Variants in KIAA1217 observed in about 807,000 individuals in gnomAD.
The protein encoded by KIAA1217 is KIAA1217.
Under a neutral mutation model 163.9 loss-of-function variants are expected in KIAA1217, and 88 were observed. That is an observed-to-expected ratio of 0.54 (90% CI 0.45 to 0.64). KIAA1217 has a LOEUF of 0.64. Among genes scored for constraint, KIAA1217 ranks in the 30% least tolerant of loss-of-function variants. The pLI is 0.00. For synonymous variants in KIAA1217, 903 were observed against 923.1 expected, an observed-to-expected ratio of 0.98 and a Z score of 0.39; for missense variants, 2,372 against 2,475.0, an observed-to-expected ratio of 0.96 and a Z score of 0.88.
chr10:24,092,364 A>G (rs1171310993), intron 2 of KIAA1217, among the ~76,000 whole-genome samples: 1 of 151,894 alleles, frequency 6.6e-6, no homozygotes, highest in Non-Finnish European at 1.5e-5. Flanking sequence ...GATACTAAGG[A>G]CTATAAAGCT....
intron 2 of KIAA1217, among the ~76,000 whole-genome samples, chr10:24,018,072 T>G (rs1847568057): frequency 6.6e-6 from 1 of 152,106 alleles, no homozygotes; most frequent in Admixed American, 6.6e-5. Context: ...CCCAGCTTCT[T>G]TCTGCTTTAC....
At chr10:24,211,362 T>TA (rs200165457) in intron 1 of KIAA1217, among the ~76,000 whole-genome samples, 1 of 108,478 alleles carries the variant, frequency 9.2e-6, no homozygotes, top group Non-Finnish European at 1.8e-5. Flanking sequence ...GTGGGACTAC[T>TA]TTTTTTTTTT....
rs896206982 is a variant in KIAA1217 at position 24,138,826 on chromosome 10, C to T, written c.-170-80800C>T. ...AATGTTTTTTGTTTTGCTTTTTAAC[C>T]ATTTTACAGTTTTATATCAAAGACT... On this transcript the variant is annotated intron_variant, in intron 2 of 18. Coordinates refer to the KIAA1217 transcript ENST00000376462. Among the ~76,000 whole-genome samples, 12 of 152,224 alleles carry T rather than the reference C, an allele frequency of 7.9e-5. 1 individual carries two copies. Among genetic ancestry groups the T allele is most frequent in the Admixed American group, 2.0e-4 (3 of 15,292 alleles).
chr10:23,964,194 G>A (rs1844951358), intron 1 of KIAA1217, among the ~76,000 whole-genome samples: 2 of 151,866 alleles, frequency 1.3e-5, no homozygotes, highest in Non-Finnish European at 2.9e-5. Context: ...GAGCCACTGT[G>A]CCTGGCCGAT....
intron 3 of KIAA1217, among the ~76,000 whole-genome samples, chr10:24,396,688 A>G (rs925213584): frequency 4.6e-5 from 7 of 152,204 alleles, no homozygotes; most frequent in African/African-American, 1.7e-4. Context: ...CAGTCAATGC[A>G]AAAGCCCGAG....
At chr10:23,854,938 A>G (rs1186225703) in intron 1 of KIAA1217, among the ~76,000 whole-genome samples, 2 of 152,216 alleles carry the variant, frequency 1.3e-5, no homozygotes, top group Non-Finnish European at 2.9e-5. Flanking sequence ...TCCTGAATAC[A>G]GCACACTGAT....
chr10:24,337,173 T>C (rs961130544), intron 2 of KIAA1217, among the ~76,000 whole-genome samples: 5 of 152,202 alleles, frequency 3.3e-5, no homozygotes, highest in African/African-American at 9.7e-5. Context: ...TGATAAGGGA[T>C]TTACATTCAG....
intron 1 of KIAA1217, among the ~76,000 whole-genome samples, chr10:24,004,897 A>G (rs1267044250): frequency 6.6e-6 from 1 of 152,224 alleles, no homozygotes; most frequent in Non-Finnish European, 1.5e-5. Context: ...AAGCTGTGGA[A>G]CCAGGAGTGA....
intron 2 of KIAA1217, among the ~76,000 whole-genome samples, chr10:24,147,930 G>C (rs2064413724): frequency 6.9e-6 from 1 of 143,948 alleles, no homozygotes; most frequent in South Asian, 2.4e-4. Context: ...TTTCAATTAT[G>C]TACTTTGCAA....
At chr10:23,942,022 G>T (rs1670989209) in intron 1 of KIAA1217, among the ~76,000 whole-genome samples, 1 of 152,056 alleles carries the variant, frequency 6.6e-6, no homozygotes, top group Admixed American at 6.6e-5. Context: ...GAAGAAAAAA[G>T]AATCCAAAGC....
At position 23,970,905 on chromosome 10, in the gene KIAA1217, G is replaced by A. The variant is rs146044024; in HGVS notation, c.-320-36320G>A. Among the ~76,000 whole-genome samples the A allele has an allele frequency of 3.3e-5, 5 of 152,306 alleles. No homozygotes were observed. In the East Asian group the frequency reaches 9.6e-4, roughly 29 times the overall value. ...CAGGAGAAATAATTCAACTGAGGGG[G>A]GGATAAGGCAGAGTGAGGAGACCAA... On this transcript the variant is annotated intron_variant, in intron 1 of 18. Transcript: ENST00000376462.
intron 2 of KIAA1217, chr10:24,158,809 G>T (rs929445532): frequency 1.6e-5 from 7 of 430,502 alleles, no homozygotes; most frequent in African/African-American, 8.3e-5. Context: ...CCAAGGAGGA[G>T]GTTGTTACAC....
chr10:24,538,351 C>T lies in KIAA1217; in HGVS notation c.3534+1458C>T, dbSNP rs1398430104. On this transcript the variant is annotated intron_variant, in intron 17 of 20. Coordinates refer to ENST00000376454, the MANE Select transcript of KIAA1217 (RefSeq NM_019590.5). ...ATGGGGGAAGGGAATCTCGCTATAT[C>T]CAAGGGGGGTTATTGTTGATAAATG... 2.0e-5 allele frequency among the ~76,000 whole-genome samples: 3 copies of T among 152,046 alleles called. No homozygotes were observed. In the East Asian group the frequency reaches 5.8e-4, roughly 29 times the overall value.
intron 6 of KIAA1217, among the ~76,000 whole-genome samples, chr10:24,494,082 G>A (rs565126698): frequency 3.9e-5 from 6 of 152,282 alleles, no homozygotes; most frequent in South Asian, 2.1e-4. Flanking sequence ...AAACCACTCC[G>A]CAGCCTCCCA....
intron 1 of KIAA1217, among the ~76,000 whole-genome samples, chr10:23,775,202 G>A (rs1320995555): frequency 6.6e-6 from 1 of 152,166 alleles, no homozygotes; most frequent in African/African-American, 2.4e-5. Context: ...CAGTGAGAGT[G>A]GAAGGGAGAT....
At chr10:24,520,435 T>G (rs926650528) in intron 11 of KIAA1217, among the ~76,000 whole-genome samples, 182 bp downstream of exon 11, 4 of 151,654 alleles carry the variant, frequency 2.6e-5, no homozygotes, top group Non-Finnish European at 4.4e-5. Context: ...CCCCCTCTTC[T>G]TGGAGCTGGT....
chr10:24,083,700 A>G (rs993310722), intron 2 of KIAA1217, among the ~76,000 whole-genome samples: 1 of 152,230 alleles, frequency 6.6e-6, no homozygotes, highest in African/African-American at 2.4e-5. Flanking sequence ...AGGTGAAGGC[A>G]TTGAGTGAAA....
intron 2 of KIAA1217, among the ~76,000 whole-genome samples, chr10:24,299,917 AG>A (rs2132671869): frequency 6.6e-6 from 1 of 152,222 alleles, no homozygotes; most frequent in South Asian, 2.1e-4. Context: ...TTAGACCCCC[AG>A]AAGCTGTGCA....
chr10:24,108,903 C>T (rs537805918), intron 2 of KIAA1217, among the ~76,000 whole-genome samples: 2 of 152,320 alleles, frequency 1.3e-5, no homozygotes, highest in South Asian at 4.1e-4. Flanking sequence ...TCAATATCGG[C>T]TCACTGCAAC....
Sources: allele counts gnomAD v4.1 joint callset (sites outside exome capture counted in the v4.1 genomes callset), GRCh38; gene constraint gnomAD v4.1.1; transcripts MANE v1.5; gene names NCBI Gene and HGNC (gene_info 2026-07-23, HGNC 2026-07-21).